Variants in LRBA observed in about 807,000 individuals in gnomAD.
LRBA encodes LPS responsive beige-like anchor protein.
In LRBA, 176 loss-of-function variants were observed where a neutral mutation model predicts 330.0. The observed-to-expected ratio is 0.53, with a 90% CI of 0.47 to 0.60. The LOEUF is 0.60. Ranked by LOEUF, LRBA falls within the 20% of genes least tolerant of loss-of-function variation. LRBA has a pLI of 0.00. For synonymous variants in LRBA, 1,230 were observed against 1,193.0 expected (o/e 1.03, Z -0.64); for missense variants, 3,259 against 3,444.8 (o/e 0.95, Z 1.35).
chr4:150,316,853 G>A (rs1414102176), intron 50 of LRBA, among the ~76,000 whole-genome samples: 1 of 152,138 alleles, frequency 6.6e-6, no homozygotes, highest in East Asian at 1.9e-4. Flanking sequence ...TCGTGGACAA[G>A]GGGCGTTGGG....
At chr4:150,912,880 G>A (rs142541061) in intron 9 of LRBA, among the ~76,000 whole-genome samples, 13 of 152,134 alleles carry the variant, frequency 8.5e-5, no homozygotes, top group Admixed American at 2.0e-4. Context: ...ACTGAATCTC[G>A]TAAGTTTTGG....
intron 44 of LRBA, among the ~76,000 whole-genome samples, chr4:150,456,944 C>A (rs573550485): frequency 1.3e-5 from 2 of 152,102 alleles, no homozygotes; most frequent in South Asian, 4.1e-4. Context: ...CCCCAGTGTA[C>A]GTTCTTGGCA....
intron 40 of LRBA, among the ~76,000 whole-genome samples, chr4:150,512,064 G>GTA (rs1446557769): frequency 6.6e-6 from 1 of 152,224 alleles, no homozygotes; most frequent in Non-Finnish European, 1.5e-5. Context: ...CTCAATAAAT[G>GTA]TATACCCAAT....
intron 47 of LRBA, among the ~76,000 whole-genome samples, chr4:150,371,341 C>T (rs986860021): frequency 1.6e-4 from 24 of 151,556 alleles, no homozygotes; most frequent in Admixed American, 5.9e-4. Context: ...TACAGTCGCC[C>T]GCCACCACAC....
At chr4:150,332,087 A>C (rs1261572479) in intron 48 of LRBA, among the ~76,000 whole-genome samples, 1 of 152,184 alleles carries the variant, frequency 6.6e-6, no homozygotes, top group African/African-American at 2.4e-5. Context: ...TATATATTAA[A>C]GACTTAACAC....
At chr4:150,986,146 G>T (rs1741438236) in intron 2 of LRBA, among the ~76,000 whole-genome samples, 1 of 152,126 alleles carries the variant, frequency 6.6e-6, no homozygotes, top group African/African-American at 2.4e-5. Flanking sequence ...CAGGTCATCA[G>T]AATCTGAAAA....
chr4:150,425,471 G>C (rs1386760959), intron 46 of LRBA, among the ~76,000 whole-genome samples: 2 of 152,172 alleles, frequency 1.3e-5, no homozygotes, highest in African/African-American at 2.4e-5. Flanking sequence ...AAATTTGAAA[G>C]GTTCAACCAG....
intron 40 of LRBA, among the ~76,000 whole-genome samples, chr4:150,528,756 AG>A (rs1763756220): frequency 6.6e-6 from 1 of 152,134 alleles, no homozygotes; most frequent in African/African-American, 2.4e-5. Flanking sequence ...AATTTTTAAA[AG>A]GGGTTAGCAA....
intron 53 of LRBA, among the ~76,000 whole-genome samples, chr4:150,299,729 C>A (rs1729411686): frequency 6.6e-6 from 1 of 151,688 alleles, no homozygotes; most frequent in Non-Finnish European, 1.5e-5. Context: ...AATAAAAAAA[C>A]CCTGAGATAG....
chr4:150,909,939 T>C (rs975723682), intron 9 of LRBA, among the ~76,000 whole-genome samples: 5 of 152,218 alleles, frequency 3.3e-5, no homozygotes, highest in African/African-American at 1.2e-4. Flanking sequence ...CATATGTTCA[T>C]TGGCTATTTT....
intron 36 of LRBA, among the ~76,000 whole-genome samples, chr4:150,734,611 C>T (rs1330158781): frequency 1.3e-5 from 2 of 152,124 alleles, no homozygotes; most frequent in Non-Finnish European, 2.9e-5. Context: ...TTTTCTAGTT[C>T]ACCTTAGGTG....
chr4:150,559,913 A>ATAT (rs1561352796), intron 40 of LRBA, among the ~76,000 whole-genome samples: 1 of 67,802 alleles, frequency 1.5e-5, no homozygotes, highest in African/African-American at 5.8e-5. Context: ...AATTATATAT[A>ATAT]ATATATAAAT....
At chr4:150,362,196 C>T (rs564007046) in intron 47 of LRBA, among the ~76,000 whole-genome samples, 11 of 152,246 alleles carry the variant, frequency 7.2e-5, no homozygotes, top group Middle Eastern at 3.4e-3. Flanking sequence ...CTAGGTCCTT[C>T]ATCTAGTCAG....
intron 34 of LRBA, among the ~76,000 whole-genome samples, chr4:150,795,322 T>A (rs544983411): frequency 6.6e-6 from 1 of 152,080 alleles, no homozygotes; most frequent in Non-Finnish European, 1.5e-5. Context: ...TACAACAAAT[T>A]TGGCACACAA....
intron 40 of LRBA, among the ~76,000 whole-genome samples, chr4:150,496,101 CCTAT>C (rs1160193794): frequency 3.9e-5 from 6 of 151,992 alleles, no homozygotes; most frequent in Non-Finnish European, 8.8e-5. Flanking sequence ...AAACATCAAA[CCTAT>C]CTTTTTTAAA....
chr4:150,959,819 T>C (rs925791862), intron 2 of LRBA, among the ~76,000 whole-genome samples: 1 of 145,484 alleles, frequency 6.9e-6, no homozygotes, highest in Non-Finnish European at 1.5e-5. Flanking sequence ...AAAAAGTATA[T>C]AAATATATAA....
At chr4:150,802,495 A>G (rs1472948762) in intron 33 of LRBA, among the ~76,000 whole-genome samples, 1 of 152,124 alleles carries the variant, frequency 6.6e-6, no homozygotes, top group Non-Finnish European at 1.5e-5. Context: ...CAGTGAACTC[A>G]CATATAATAA....
chr4:150,372,756 A>T (rs1443100002), intron 47 of LRBA, among the ~76,000 whole-genome samples: 1 of 146,698 alleles, frequency 6.8e-6, no homozygotes, highest in Non-Finnish European at 1.5e-5. Context: ...GTACGCAGTA[A>T]GTTCTTACTA....
At chr4:150,727,187 C>T (rs1729818367) in intron 36 of LRBA, among the ~76,000 whole-genome samples, 2 of 146,614 alleles carry the variant, frequency 1.4e-5, no homozygotes, top group South Asian at 2.3e-4. Context: ...AATTCTCCTA[C>T]CTCAGCCTCC....
Sources: allele counts gnomAD v4.1 joint callset (sites outside exome capture counted in the v4.1 genomes callset), GRCh38; gene constraint gnomAD v4.1.1; transcripts MANE v1.5; gene names NCBI Gene and HGNC (gene_info 2026-07-23, HGNC 2026-07-21).